Variants in STK4 observed in about 807,000 individuals in gnomAD.
The protein encoded by STK4 is serine/threonine kinase 4.
STK4 carries 30 observed loss-of-function variants against 64.9 expected under a neutral mutation model. That is an observed-to-expected ratio of 0.46 (90% CI 0.35 to 0.63). STK4 has a LOEUF of 0.63. Ranked by LOEUF, STK4 falls within the 20% of genes least tolerant of loss-of-function variation. STK4 has a pLI of 0.01. For missense variants in STK4, 466 were observed against 598.5 expected (o/e 0.78, Z 2.31); for synonymous variants, 177 against 199.0 (o/e 0.89, Z 0.93).
intron 9 of STK4, among the ~76,000 whole-genome samples, chr20:45,011,805 T>A (rs2068056189): frequency 1.4e-5 from 2 of 146,010 alleles, no homozygotes; most frequent in Non-Finnish European, 3.0e-5. Flanking sequence ...ACAGTAAAAA[T>A]ATATATATTC....
chr20:45,010,357 G>A (rs1215064151), intron 9 of STK4, among the ~76,000 whole-genome samples: 4 of 152,044 alleles, frequency 2.6e-5, no homozygotes, highest in Admixed American at 6.6e-5. Flanking sequence ...GAGCCACCGC[G>A]CCCGGCCTCC....
intron 10 of STK4, among the ~76,000 whole-genome samples, chr20:45,041,750 T>G (rs1191403744): frequency 1.3e-5 from 2 of 152,028 alleles, no homozygotes; most frequent in African/African-American, 2.4e-5. Context: ...CACATTTTAG[T>G]GCTGTTTGTA....
At chr20:45,036,082 G>C (rs1441552365) in intron 10 of STK4, among the ~76,000 whole-genome samples, 2 of 152,154 alleles carry the variant, frequency 1.3e-5, no homozygotes, top group East Asian at 3.8e-4. Context: ...GAAAATCACT[G>C]AGAGAGTAGA....
chr20:44,997,372 A>C, intron 7 of STK4, 66 bp downstream of exon 7: 2 of 1,529,158 alleles, frequency 1.3e-6, no homozygotes, highest in Non-Finnish European at 1.8e-6. Context: ...AGATGCCATG[A>C]GGTCACCTAC....
chr20:45,046,751 G>A (rs7268941), intron 10 of STK4, among the ~76,000 whole-genome samples: 38,439 of 151,138 alleles, frequency 0.25, 5,545 homozygotes, highest in Middle Eastern at 0.43. Context: ...GCGTGATCTC[G>A]GCTCACTGCA....
intron 10 of STK4, among the ~76,000 whole-genome samples, chr20:45,028,622 G>A (rs1035661670): frequency 9.9e-5 from 15 of 152,052 alleles, no homozygotes; most frequent in African/African-American, 1.9e-4. Flanking sequence ...CCACTGTACC[G>A]GCTCTTTGTG....
chr20:45,023,675 T>C lies in STK4; in HGVS notation c.1148-1298T>C, dbSNP rs149838150. 3.5e-3 allele frequency among the ~76,000 whole-genome samples: 534 copies of C among 152,266 alleles called. 2 individuals are homozygous for C. The highest frequency in any genetic ancestry group is 0.012 in the African/African-American group (492 of 41,562). ...TTTTAAATCATGCCAGGTAAAATTATTCTTTCTGCTCTTGTTACTAATAAC... is the reference window on the plus strand; with the variant it reads ...TTTTAAATCATGCCAGGTAAAATTACTCTTTCTGCTCTTGTTACTAATAAC... On this transcript the variant is annotated intron_variant, in intron 9 of 10. Coordinates refer to ENST00000372806, the MANE Select transcript of STK4 (RefSeq NM_006282.5).
Position 44,987,116 on chromosome 20 carries a change from C to G in STK4, c.361-16C>G. On this transcript the variant is annotated splice_polypyrimidine_tract_variant and intron_variant, in intron 4 of 10. Transcript: ENST00000372806. ...ATGTAAACTGATAGAATTTGAACTT[C>G]TTATTCTTTTTTCAGTTAACAGAAG... is the stretch of plus-strand genomic sequence containing the variant. 8.3e-6 allele frequency: 13 copies of G among 1,563,402 alleles called. No homozygotes were observed. The highest frequency in any genetic ancestry group is 1.1e-5 in the Non-Finnish European group (13 of 1,154,422).
At chr20:44,981,717 T>G in intron 3 of STK4, 112 bp from the exon 4 acceptor site, 2 of 617,830 alleles carry the variant, frequency 3.2e-6, no homozygotes, top group South Asian at 4.8e-5. Context: ...TATCCTTAAC[T>G]ATGAATAATT....
At chr20:45,013,997 CTCTT>C (rs1419427915) in intron 9 of STK4, among the ~76,000 whole-genome samples, 1 of 151,986 alleles carries the variant, frequency 6.6e-6, no homozygotes, top group Admixed American at 6.6e-5. Flanking sequence ...TATATATTTT[CTCTT>C]TCTTTTATCT....
chr20:44,992,819 C>T (rs1291274359), intron 5 of STK4, among the ~76,000 whole-genome samples: 4 of 152,028 alleles, frequency 2.6e-5, no homozygotes, highest in Non-Finnish European at 4.4e-5. Flanking sequence ...TTCAGCCTCC[C>T]GAGTAGCTGG....
At chr20:45,040,172 T>C (rs1396798387) in intron 10 of STK4, among the ~76,000 whole-genome samples, 3 of 151,912 alleles carry the variant, frequency 2.0e-5, no homozygotes, top group Non-Finnish European at 2.9e-5. Context: ...AAGGTCATTG[T>C]CTGGATGCCA....
chr20:45,046,583 A>T (rs934214166), intron 10 of STK4, among the ~76,000 whole-genome samples: 1 of 151,522 alleles, frequency 6.6e-6, no homozygotes, highest in African/African-American at 2.4e-5. Flanking sequence ...TCATTCAGGC[A>T]CTTGTTCCTG....
intron 10 of STK4, among the ~76,000 whole-genome samples, chr20:45,058,951 T>G (rs1978741822): frequency 6.6e-6 from 1 of 152,204 alleles, no homozygotes; most frequent in Non-Finnish European, 1.5e-5. Flanking sequence ...TGAAAGTGTT[T>G]CTCTCACAGA....
chr20:44,972,625 C>T (rs2145632144), intron 2 of STK4: 1 of 152,738 alleles, frequency 6.5e-6, no homozygotes, highest in Admixed American at 6.5e-5. Context: ...CAGTGGATTT[C>T]CTGAAACACA....
chr20:45,052,061 G>A (rs1457547457), intron 10 of STK4, among the ~76,000 whole-genome samples: 3 of 152,184 alleles, frequency 2.0e-5, no homozygotes, highest in Admixed American at 6.5e-5. Context: ...AACCTGTAAT[G>A]CACGTAAAGC....
chr20:44,974,070 A>G (rs921897818), intron 2 of STK4: 1 of 152,150 alleles, frequency 6.6e-6, no homozygotes, highest in African/African-American at 2.4e-5. Flanking sequence ...ATTGTATTTT[A>G]TTTATTTGTT....
rs1356638650 is a variant in STK4, at chr20:45,055,538, T to A, written c.1306-19480T>A. On this transcript the variant is annotated intron_variant, in intron 10 of 10. Transcript: ENST00000372806. ...TCTTATCAAAGTGTAATTTTTTTTT[T>A]AAGCCCAAACCAGCTTTTGGTTTTG... Among the ~76,000 whole-genome samples the A allele has an allele frequency of 2.0e-5, 3 of 152,088 alleles. No individual in the cohort carries two copies. The East Asian group carries it at 5.8e-4, about 29-fold the overall frequency.
intron 9 of STK4, among the ~76,000 whole-genome samples, chr20:45,012,308 A>G (rs1240076194): frequency 1.3e-5 from 2 of 152,196 alleles, no homozygotes; most frequent in Admixed American, 6.5e-5. Flanking sequence ...TGCTGGGATT[A>G]CAGGCGTGAG....
Sources: allele counts gnomAD v4.1 joint callset (sites outside exome capture counted in the v4.1 genomes callset), GRCh38; gene constraint gnomAD v4.1.1; transcripts MANE v1.5; gene names NCBI Gene and HGNC (gene_info 2026-07-23, HGNC 2026-07-21).